KLHL1: variants seen among roughly 807,000 people sequenced by gnomAD.
KLHL1 encodes the protein kelch-like protein 1.
In KLHL1, 47 loss-of-function variants were observed where a neutral mutation model predicts 77.7. The ratio of observed to expected loss-of-function variants is 0.60; its 90% confidence interval spans 0.48 to 0.77. KLHL1 has a LOEUF of 0.77. KLHL1 is among the 30% of genes least tolerant of loss of function. The pLI is 0.00. For synonymous variants in KLHL1, 360 were observed against 325.2 expected (o/e 1.11, Z -1.15); for missense variants, 925 against 910.8 (o/e 1.02, Z -0.20).
intron 1 of KLHL1, among the ~76,000 whole-genome samples, chr13:69,978,613 A>G (rs1396349913): frequency 6.6e-6 from 1 of 151,346 alleles, no homozygotes; most frequent in Non-Finnish European, 1.5e-5. Flanking sequence ...CAGCCTCCTG[A>G]GTAGCTGGGA....
chr13:70,004,659 C>A (rs979882360), intron 1 of KLHL1, among the ~76,000 whole-genome samples: 1 of 151,780 alleles, frequency 6.6e-6, no homozygotes, highest in Non-Finnish European at 1.5e-5. Context: ...TTAAAGTTGT[C>A]TGATAATTCT....
chr13:69,821,059 A>G (rs1315287100), intron 6 of KLHL1, among the ~76,000 whole-genome samples: 2 of 152,220 alleles, frequency 1.3e-5, no homozygotes, highest in African/African-American at 4.8e-5. Context: ...GTGAAACCCA[A>G]TGAAAGTTTA....
At chr13:70,095,215 C>G (rs908438582) in intron 1 of KLHL1, among the ~76,000 whole-genome samples, 1 of 152,042 alleles carries the variant, frequency 6.6e-6, no homozygotes, top group Non-Finnish European at 1.5e-5. Context: ...TTGAGACCCT[C>G]TATAAAAGAG....
chr13:69,849,493 T>C (rs1879601401), intron 5 of KLHL1, among the ~76,000 whole-genome samples: 1 of 151,508 alleles, frequency 6.6e-6, no homozygotes. Context: ...TCTCTTTCTC[T>C]CTCTCTCTAT....
rs116969340 is a variant in KLHL1, at chr13:70,048,443, A to G, written c.497+58760T>C. Among the ~76,000 whole-genome samples, 640 of 152,334 alleles carry G rather than the reference A, an allele frequency of 4.2e-3. 2 individuals carry two copies. Among genetic ancestry groups the G allele is most frequent in the Admixed American group, 7.7e-3 (118 of 15,302 alleles). The stretch of plus-strand genomic sequence containing the variant: ...TAAGCAAGGACATCATTCAATATCT[A>G]TAGGTAGATACAACATCAACTTGTC... On this transcript the variant is annotated intron_variant, in intron 1 of 10. Coordinates refer to ENST00000377844, the MANE Select transcript of KLHL1 (RefSeq NM_020866.3).
At chr13:69,836,614 TA>T (rs1403546543) in intron 6 of KLHL1, among the ~76,000 whole-genome samples, 3 of 152,050 alleles carry the variant, frequency 2.0e-5, no homozygotes, top group African/African-American at 7.2e-5. Context: ...TCTGTTACTC[TA>T]AGTGTTTGCC....
At chr13:69,721,579 A>C (rs561269306) in intron 8 of KLHL1, among the ~76,000 whole-genome samples, 1 of 152,240 alleles carries the variant, frequency 6.6e-6, no homozygotes, top group Admixed American at 6.5e-5. Context: ...ATTTCTAAAT[A>C]AATGCATAGG....
At chr13:69,780,698 A>G (rs866642885) in intron 7 of KLHL1, among the ~76,000 whole-genome samples, 2,058 of 21,618 alleles carry the variant, frequency 0.095, 99 homozygotes, top group African/African-American at 0.35. Flanking sequence ...ATATATATAT[A>G]TATGTATATA....
At position 70,095,674 on chromosome 13, in the gene KLHL1, T is replaced by G. The variant is rs576070059; in HGVS notation, c.497+11529A>C. Among the ~76,000 whole-genome samples the G allele has an allele frequency of 5.9e-5, 9 of 152,316 alleles. No individual in the cohort carries two copies. In the East Asian group the frequency reaches 1.7e-3, roughly 29 times the overall value. ...TTACATTAAGCATTTATCATTTATT[T>G]GTGTTAGAAACATTCCAATTCCACT... On this transcript the variant is annotated intron_variant, in intron 1 of 10. Transcript: ENST00000377844.
At chr13:69,908,626 A>G (rs1256458516) in intron 4 of KLHL1, among the ~76,000 whole-genome samples, 2 of 151,480 alleles carry the variant, frequency 1.3e-5, no homozygotes, top group South Asian at 4.2e-4. Context: ...GAATTATTGC[A>G]TATGTTTTCA....
rs1403660520 is a variant in KLHL1 at position 70,105,981 on chromosome 13, TA to T, written c.497+1221del. ...ATGTTCAATCTCTGAAAATTAAAAT[TA>T]AAAAATATATATAATGTATATAATT... is the stretch of plus-strand genomic sequence containing the variant. On this transcript the variant is annotated intron_variant, in intron 1 of 10. Transcript: ENST00000377844. 1.7e-4 allele frequency among the ~76,000 whole-genome samples: 25 copies of T among 150,700 alleles called. 1 individual carries two copies. The highest frequency in any genetic ancestry group is 6.0e-4 in the African/African-American group (25 of 41,470).
intron 4 of KLHL1, among the ~76,000 whole-genome samples, chr13:69,899,870 A>T (rs984832066): frequency 2.0e-5 from 3 of 152,070 alleles, no homozygotes; most frequent in Non-Finnish European, 4.4e-5. Flanking sequence ...AATTTGTACT[A>T]TGAACAATAG....
chr13:69,886,168 C>T (rs544886237), intron 4 of KLHL1, among the ~76,000 whole-genome samples: 2 of 152,180 alleles, frequency 1.3e-5, no homozygotes, highest in African/African-American at 2.4e-5. Flanking sequence ...CACATACATA[C>T]ACACATTTTC....
At chr13:69,780,047 A>G (rs1876059295) in intron 7 of KLHL1, among the ~76,000 whole-genome samples, 1 of 152,048 alleles carries the variant, frequency 6.6e-6, no homozygotes, top group Non-Finnish European at 1.5e-5. Flanking sequence ...ATCTCGGGTG[A>G]TCTACCCACC....
chr13:69,878,715 G>T (rs543877850), intron 5 of KLHL1, among the ~76,000 whole-genome samples: 5,274 of 140,436 alleles, frequency 0.038, 221 homozygotes, highest in African/African-American at 0.11. Flanking sequence ...TATATATAGA[G>T]AGAGAGAGAG....
chr13:69,833,821 ACAC>A (rs1878868683), intron 6 of KLHL1, among the ~76,000 whole-genome samples: 1 of 148,270 alleles, frequency 6.7e-6, no homozygotes, highest in Non-Finnish European at 1.5e-5. Context: ...ATACACACAC[ACAC>A]ATGTATACAT....
intron 7 of KLHL1, among the ~76,000 whole-genome samples, chr13:69,780,733 CATATATATAT>C (rs1217018845): frequency 0.025 from 1,035 of 42,002 alleles, 23 homozygotes; most frequent in African/African-American, 0.069. Flanking sequence ...TATATATATA[CATATATATAT>C]ACATATATAT....
chr13:69,953,125 ATTC>A (rs556278671), intron 3 of KLHL1, among the ~76,000 whole-genome samples: 11 of 151,272 alleles, frequency 7.3e-5, no homozygotes, highest in East Asian at 5.8e-4. Context: ...TATTTTTATG[ATTC>A]TTCTTCAGAT....
At chr13:70,008,519 A>G (rs986220925) in intron 1 of KLHL1, among the ~76,000 whole-genome samples, 1 of 152,014 alleles carries the variant, frequency 6.6e-6, no homozygotes, top group Non-Finnish European at 1.5e-5. Flanking sequence ...CATGTTTTTA[A>G]CCATTTGATA....
Sources: gnomAD v4.1 joint callset for allele counts (sites outside exome capture counted in the v4.1 genomes callset) on GRCh38, gnomAD v4.1.1 for gene constraint, MANE v1.5 for transcripts, NCBI Gene and HGNC (gene_info 2026-07-23, HGNC 2026-07-21) for gene names.